Variants in CNTNAP2 observed in about 807,000 individuals in gnomAD.
The protein encoded by CNTNAP2 is contactin-associated protein-like 2.
In CNTNAP2, 98 loss-of-function variants were observed where a neutral mutation model predicts 155.2. The observed-to-expected ratio is 0.63, with a 90% confidence interval of 0.54 to 0.75. The LOEUF (loss-of-function observed/expected upper bound fraction) is 0.75, where lower values mean the gene tolerates loss of function less well. CNTNAP2 is among the 30% of genes least tolerant of loss of function. CNTNAP2 has a pLI of 0.00. For synonymous variants in CNTNAP2, 651 were observed against 631.2 expected, an observed-to-expected ratio of 1.03 and a Z score of -0.47; for missense variants, 1,727 against 1,688.1, an observed-to-expected ratio of 1.02 and a Z score of -0.40.
At chr7:146,576,185 A>G (rs1798521245) in intron 1 of CNTNAP2, among the ~76,000 whole-genome samples, 1 of 152,208 alleles carries the variant, frequency 6.6e-6, no homozygotes, top group Non-Finnish European at 1.5e-5. Flanking sequence ...TGTGACTCCC[A>G]TGTGATACGG....
intron 14 of CNTNAP2, among the ~76,000 whole-genome samples, chr7:147,931,759 G>A (rs1800508543): frequency 6.6e-6 from 1 of 152,064 alleles, no homozygotes; most frequent in Non-Finnish European, 1.5e-5. Flanking sequence ...GTGGAAAGAC[G>A]TCCCACGTTT....
intron 5 of CNTNAP2, among the ~76,000 whole-genome samples, chr7:147,110,828 A>G (rs932145062): frequency 4.6e-5 from 7 of 152,158 alleles, no homozygotes; most frequent in African/African-American, 1.7e-4. Context: ...TAGTGCTGCA[A>G]TGAACATATG....
At chr7:147,498,360 C>T (rs1798749390) in intron 11 of CNTNAP2, among the ~76,000 whole-genome samples, 1 of 152,112 alleles carries the variant, frequency 6.6e-6, no homozygotes, top group Non-Finnish European at 1.5e-5. Context: ...CTGCTTATGA[C>T]CTATTTTCCG....
intron 1 of CNTNAP2, among the ~76,000 whole-genome samples, chr7:146,768,109 A>C (rs1198815833): frequency 6.6e-6 from 1 of 152,092 alleles, no homozygotes; most frequent in African/African-American, 2.4e-5. Flanking sequence ...AAATTAGAAA[A>C]TGTAAAATAT....
chr7:148,408,438 A>G (rs1437464798), intron 22 of CNTNAP2, among the ~76,000 whole-genome samples: 1 of 152,214 alleles, frequency 6.6e-6, no homozygotes, highest in Non-Finnish European at 1.5e-5. Flanking sequence ...TCCATAGCCC[A>G]GGAATAAATT....
chr7:148,117,814 T>G (rs1218270050), intron 15 of CNTNAP2, among the ~76,000 whole-genome samples: 1 of 150,468 alleles, frequency 6.6e-6, no homozygotes, highest in Non-Finnish European at 1.5e-5. Context: ...TTATCATAAA[T>G]ATTATAAAAT....
intron 1 of CNTNAP2, among the ~76,000 whole-genome samples, chr7:146,283,228 C>T (rs866676188): frequency 2.6e-5 from 4 of 152,166 alleles, no homozygotes; most frequent in African/African-American, 9.7e-5. Flanking sequence ...TTAAAAACAT[C>T]AAATATACCT....
chr7:147,056,191 C>T (rs1365959146), intron 4 of CNTNAP2, among the ~76,000 whole-genome samples: 1 of 152,046 alleles, frequency 6.6e-6, no homozygotes, highest in Non-Finnish European at 1.5e-5. Flanking sequence ...AGAAAAACTT[C>T]CCTGTTTTTC....
intron 1 of CNTNAP2, among the ~76,000 whole-genome samples, chr7:146,172,465 C>G (rs1042197456): frequency 2.6e-5 from 4 of 152,090 alleles, no homozygotes; most frequent in African/African-American, 9.7e-5. Context: ...GTCCAGATTT[C>G]TCTACATTCC....
chr7:146,964,211 T>G (rs1468362831), intron 3 of CNTNAP2, among the ~76,000 whole-genome samples: 1 of 152,228 alleles, frequency 6.6e-6, no homozygotes, highest in Non-Finnish European at 1.5e-5. Context: ...GTGATCTTAA[T>G]TAAGATCCAA....
intron 1 of CNTNAP2, among the ~76,000 whole-genome samples, chr7:146,314,525 C>T (rs1800877505): frequency 6.6e-6 from 1 of 152,158 alleles, no homozygotes; most frequent in South Asian, 2.1e-4. Flanking sequence ...TACCCTTGAT[C>T]ATACTGCTCA....
chr7:146,838,089 A>G (rs1803651988), intron 2 of CNTNAP2, among the ~76,000 whole-genome samples: 1 of 152,100 alleles, frequency 6.6e-6, no homozygotes, highest in Non-Finnish European at 1.5e-5. Context: ...TGTCCTGTTA[A>G]TTCCAGCTTC....
chr7:148,220,960 C>T (rs191026900), intron 19 of CNTNAP2, among the ~76,000 whole-genome samples: 10 of 152,232 alleles, frequency 6.6e-5, no homozygotes, highest in African/African-American at 2.2e-4. Flanking sequence ...AGGGCTCTCA[C>T]CCAGAGACTG....
chr7:147,766,304 C>G (rs950454688), intron 13 of CNTNAP2, among the ~76,000 whole-genome samples: 1 of 152,106 alleles, frequency 6.6e-6, no homozygotes, highest in Admixed American at 6.6e-5. Flanking sequence ...TAATTATAGA[C>G]TTTTAAAATA....
rs549723329 is a variant in CNTNAP2, at chr7:146,342,675, A to T, written c.97+225702A>T. Among the ~76,000 whole-genome samples the T allele has an allele frequency of 6.6e-5, 10 of 152,274 alleles. No homozygotes were observed. In the South Asian group the frequency reaches 2.1e-3, roughly 32 times the overall value. On this transcript the variant is annotated intron_variant, in intron 1 of 23. Coordinates refer to ENST00000361727, the MANE Select transcript of CNTNAP2 (RefSeq NM_014141.6). ...CAGAATAAGGTGTATCTATGTAATA[A>T]AGACGTGTAGGATTTGAGTAATGCT...
chr7:147,238,602 G>A (rs181901340), intron 8 of CNTNAP2, among the ~76,000 whole-genome samples: 4 of 151,630 alleles, frequency 2.6e-5, no homozygotes, highest in Admixed American at 6.6e-5. Flanking sequence ...CTGCTTAATC[G>A]TCCCATTGAG....
intron 4 of CNTNAP2, among the ~76,000 whole-genome samples, chr7:147,078,555 A>G (rs1323934462): frequency 6.6e-6 from 1 of 152,028 alleles, no homozygotes; most frequent in Admixed American, 6.6e-5. Flanking sequence ...GGTATTCTTT[A>G]TCTCTTAACA....
chr7:147,457,927 A>T (rs1797950185), intron 10 of CNTNAP2, among the ~76,000 whole-genome samples: 1 of 152,130 alleles, frequency 6.6e-6, no homozygotes, highest in African/African-American at 2.4e-5. Flanking sequence ...GGGTGGCCAC[A>T]TCTCCTCCTG....
intron 15 of CNTNAP2, among the ~76,000 whole-genome samples, chr7:147,999,707 C>T (rs771443305): frequency 2.0e-5 from 3 of 151,998 alleles, no homozygotes; most frequent in South Asian, 4.1e-4. Flanking sequence ...CCTATATGAC[C>T]GGTGCCTTAT....
Sources: allele counts gnomAD v4.1 joint callset (sites outside exome capture counted in the v4.1 genomes callset), GRCh38; gene constraint gnomAD v4.1.1; transcripts MANE v1.5; gene names NCBI Gene and HGNC (gene_info 2026-07-23, HGNC 2026-07-21).